CADM1: variants seen among roughly 807,000 people sequenced by gnomAD.
CADM1 encodes the protein cell adhesion molecule 1.
Under a neutral mutation model 53.1 loss-of-function variants are expected in CADM1, and 15 were observed. That is an observed-to-expected ratio of 0.28 (90% CI 0.19 to 0.44). The LOEUF is 0.44. Ranked by LOEUF, CADM1 falls within the 20% of genes least tolerant of loss-of-function variation. The probability of loss-of-function intolerance (pLI) is 1.00; values close to 1 mark genes in which losing one functional copy is unlikely to be tolerated. For synonymous variants in CADM1, 281 were observed against 243.0 expected (o/e 1.16, Z -1.45); for missense variants, 434 against 611.3 (o/e 0.71, Z 3.06).
intron 1 of CADM1, among the ~76,000 whole-genome samples, chr11:115,356,742 A>C (rs1945881762): frequency 6.6e-6 from 1 of 151,992 alleles, no homozygotes. Context: ...AGCTAAACTA[A>C]AAAACTTTTG....
intron 1 of CADM1, among the ~76,000 whole-genome samples, chr11:115,492,195 T>C (rs562752609): frequency 6.8e-4 from 104 of 152,236 alleles, no homozygotes; most frequent in African/African-American, 2.4e-3. Context: ...AACCTAGGAT[T>C]TGTCAAATAA....
In CADM1 at chr11:115,223,247, C is replaced by T. The variant is rs192408977; in HGVS notation, c.722-5256G>A. Among the ~76,000 whole-genome samples the T allele has an allele frequency of 1.2e-4, 18 of 152,236 alleles. No homozygotes were observed. In the East Asian group the frequency reaches 3.5e-3, roughly 29 times the overall value. On this transcript the variant is annotated intron_variant, in intron 5 of 11. Coordinates refer to ENST00000331581, the MANE Select transcript of CADM1 (RefSeq NM_001301043.2). ...CAGCCGCCCAAATCAGAGGTTCAGC[C>T]CAGGTGTTCTGCTTTACATATTTCC...
chr11:115,345,999 C>T (rs1945566062), intron 1 of CADM1, among the ~76,000 whole-genome samples: 1 of 152,146 alleles, frequency 6.6e-6, no homozygotes, highest in Non-Finnish European at 1.5e-5. Flanking sequence ...ATTATGCCTA[C>T]CAATTCAGTA....
intron 1 of CADM1, among the ~76,000 whole-genome samples, chr11:115,457,192 A>G (rs1056096306): frequency 6.6e-6 from 1 of 152,214 alleles, no homozygotes; most frequent in Non-Finnish European, 1.5e-5. Flanking sequence ...CAACGGTGAC[A>G]GAGCCACATA....
chr11:115,380,927 C>A (rs117564794), intron 1 of CADM1, among the ~76,000 whole-genome samples: 6 of 152,228 alleles, frequency 3.9e-5, no homozygotes, highest in Non-Finnish European at 8.8e-5. Context: ...TCTTAATTAG[C>A]AATACTTTTT....
At chr11:115,204,455 C>A (rs1940584676) in intron 8 of CADM1, among the ~76,000 whole-genome samples, 1 of 152,200 alleles carries the variant, frequency 6.6e-6, no homozygotes, top group Admixed American at 6.5e-5. Context: ...TCCATAAGCA[C>A]TAGCATCGTG....
chr11:115,309,312 T>C (rs1419396677), intron 1 of CADM1, among the ~76,000 whole-genome samples: 2 of 152,162 alleles, frequency 1.3e-5, no homozygotes, highest in Admixed American at 1.3e-4. Context: ...AAAGAAAGAT[T>C]GTCAATGCAT....
chr11:115,390,946 ATG>A (rs1946822018), intron 1 of CADM1, among the ~76,000 whole-genome samples: 1 of 152,236 alleles, frequency 6.6e-6, no homozygotes, highest in Non-Finnish European at 1.5e-5. Flanking sequence ...TTTAAAACTT[ATG>A]TGAGGCACAT....
intron 1 of CADM1, among the ~76,000 whole-genome samples, chr11:115,246,208 A>G (rs535883767): frequency 1.1e-4 from 17 of 152,350 alleles, no homozygotes; most frequent in African/African-American, 3.8e-4. Flanking sequence ...GTATTTATCT[A>G]AAATCAAAAG....
intron 1 of CADM1, among the ~76,000 whole-genome samples, chr11:115,299,458 A>T (rs1302353921): frequency 2.0e-5 from 3 of 152,118 alleles, no homozygotes; most frequent in Admixed American, 2.0e-4. Flanking sequence ...AAGATTAAAC[A>T]TCAGTAACTC....
At chr11:115,265,846 G>GTGGTT (rs1410654729) in intron 1 of CADM1, among the ~76,000 whole-genome samples, 1 of 152,176 alleles carries the variant, frequency 6.6e-6, no homozygotes, top group Non-Finnish European at 1.5e-5. Context: ...TTTCTTTGAG[G>GTGGTT]TGGTTTGTTA....
chr11:115,465,437 A>C (rs980941508), intron 1 of CADM1, among the ~76,000 whole-genome samples: 1 of 152,172 alleles, frequency 6.6e-6, no homozygotes, highest in Non-Finnish European at 1.5e-5. Context: ...TGTCTAGTTA[A>C]TGTCTTGGCA....
rs150297182 is a variant in CADM1, at chr11:115,462,890, A to C, written c.124+41381T>G. 7.9e-3 allele frequency among the ~76,000 whole-genome samples: 1,203 copies of C among 152,218 alleles called. 19 individuals are homozygous for C. Among genetic ancestry groups the C allele is most frequent in the African/African-American group, 0.028 (1,157 of 41,528 alleles). ...GAAAGGCAGTGGGATCAAGAATAGA[A>C]AGGGGAGAAAGAAGGAAAGGGGATG... On this transcript the variant is annotated intron_variant, in intron 1 of 11. Coordinates refer to ENST00000331581, the MANE Select transcript of CADM1 (RefSeq NM_001301043.2).
chr11:115,374,486 C>T (rs1283549577), intron 1 of CADM1, among the ~76,000 whole-genome samples: 3 of 152,152 alleles, frequency 2.0e-5, no homozygotes, highest in African/African-American at 4.8e-5. Flanking sequence ...GGAAGTTTCT[C>T]TTTATGAAGG....
At chr11:115,332,565 G>A (rs944790242) in intron 1 of CADM1, among the ~76,000 whole-genome samples, 1 of 152,048 alleles carries the variant, frequency 6.6e-6, no homozygotes, top group Non-Finnish European at 1.5e-5. Flanking sequence ...GGGAGGTGAG[G>A]TGCAGCAGGG....
At chr11:115,404,342 AAAAAATATATATAT>A (rs1347314556) in intron 1 of CADM1, among the ~76,000 whole-genome samples, 1 of 41,518 alleles carries the variant, frequency 2.4e-5, no homozygotes, top group African/African-American at 8.0e-5. Flanking sequence ...AAAAAAAAAA[AAAAAATATATATAT>A]ATATATATAT....
chr11:115,474,227 C>T (rs1283946520), intron 1 of CADM1, among the ~76,000 whole-genome samples: 1 of 134,404 alleles, frequency 7.4e-6, no homozygotes, highest in African/African-American at 2.8e-5. Flanking sequence ...GGAGGCAGAG[C>T]TTGCAGTGAG....
At chr11:115,405,729 A>C (rs1004677089) in intron 1 of CADM1, among the ~76,000 whole-genome samples, 8 of 152,266 alleles carry the variant, frequency 5.3e-5, no homozygotes, top group African/African-American at 1.7e-4. Flanking sequence ...ATACAACAGC[A>C]TAACAGCATT....
intron 1 of CADM1, among the ~76,000 whole-genome samples, chr11:115,444,332 G>T (rs1948398405): frequency 1.3e-5 from 2 of 152,084 alleles, no homozygotes; most frequent in South Asian, 4.2e-4. Flanking sequence ...GATGGAATAT[G>T]GTATAGTTTA....
Sources: allele counts gnomAD v4.1 joint callset (sites outside exome capture counted in the v4.1 genomes callset), GRCh38; gene constraint gnomAD v4.1.1; transcripts MANE v1.5; gene names NCBI Gene and HGNC (gene_info 2026-07-23, HGNC 2026-07-21).